The following PCSK5 variants were observed in gnomAD, a reference collection of about 807,000 sequenced individuals.
The protein encoded by PCSK5 is prohormone convertase 5.
A neutral mutation model predicts 233.2 loss-of-function variants in PCSK5; 129 were observed. The observed-to-expected ratio is 0.55, with a 90% CI of 0.48 to 0.64. The LOEUF (loss-of-function observed/expected upper bound fraction) is 0.64, where lower values mean the gene tolerates loss of function less well. PCSK5 is among the 30% of genes least tolerant of loss of function. The pLI, the probability that PCSK5 is intolerant of heterozygous loss-of-function variation, is 0.00. For missense variants in PCSK5, 2,076 were observed against 2,430.1 expected (o/e 0.85, Z 3.06); for synonymous variants, 825 against 879.2 (o/e 0.94, Z 1.09).
intron 10 of PCSK5, among the ~76,000 whole-genome samples, chr9:76,146,643 T>G (rs1395685430): frequency 6.6e-6 from 1 of 152,084 alleles, no homozygotes; most frequent in Non-Finnish European, 1.5e-5. Context: ...GTTATGTAGA[T>G]GATTTCCTCA....
intron 5 of PCSK5, among the ~76,000 whole-genome samples, chr9:76,061,955 A>G (rs1454996899): frequency 1.3e-5 from 2 of 152,240 alleles, no homozygotes; most frequent in Admixed American, 6.5e-5. Flanking sequence ...GAATGGGAAG[A>G]TAATTATGAG....
In PCSK5 at chr9:76,296,293, G is replaced by A. The variant is rs1828435613; in HGVS notation, c.3323-372G>A. Among the ~76,000 whole-genome samples the A allele has an allele frequency of 2.0e-5, 3 of 152,192 alleles. No individual in the cohort carries two copies. In the South Asian group the frequency reaches 6.2e-4, roughly 32 times the overall value. ...ATTTATTAAAACACATTTCTTGGTT[G>A]ACATAAGCTAAAGCCATCTTGGTTT... is the stretch of plus-strand genomic sequence containing the variant. On this transcript the variant is annotated intron_variant, in intron 26 of 37. Transcript: ENST00000674117.
At chr9:76,002,299 G>A (rs570167268) in intron 3 of PCSK5, among the ~76,000 whole-genome samples, 4 of 152,246 alleles carry the variant, frequency 2.6e-5, no homozygotes, top group African/African-American at 9.6e-5. Context: ...AATCTTGTTA[G>A]GATCTTTAGT....
intron 1 of PCSK5, among the ~76,000 whole-genome samples, chr9:75,908,732 T>C (rs1453341114): frequency 6.6e-6 from 1 of 152,180 alleles, no homozygotes; most frequent in Non-Finnish European, 1.5e-5. Flanking sequence ...AAACTTCCTA[T>C]GGCTAAAACC....
At chr9:76,079,441 T>C (rs1157566536) in intron 7 of PCSK5, among the ~76,000 whole-genome samples, 2 of 152,134 alleles carry the variant, frequency 1.3e-5, no homozygotes, top group African/African-American at 2.4e-5. Flanking sequence ...ACCGGCCAGA[T>C]TGCATTCTTT....
At position 76,080,929 on chromosome 9, in the gene PCSK5, A is replaced by G. The variant is rs148760919; in HGVS notation, c.894+9031A>G. On this transcript the variant is annotated intron_variant, in intron 7 of 37. Transcript: ENST00000674117. Reference sequence around the variant, plus strand: ...TACCATAAAATTTTTATTGTTCTAAATCTCATGTTGCTGAGTAACCCTTAC... The same window carrying G: ...TACCATAAAATTTTTATTGTTCTAAGTCTCATGTTGCTGAGTAACCCTTAC... 6.6e-5 allele frequency among the ~76,000 whole-genome samples: 10 copies of G among 152,324 alleles called. No homozygotes were observed. The East Asian group carries it at 1.9e-3, about 29-fold the overall frequency.
chr9:76,331,986 G>A (rs1018434129), intron 33 of PCSK5, among the ~76,000 whole-genome samples: 10 of 152,306 alleles, frequency 6.6e-5, no homozygotes, highest in East Asian at 1.9e-4. Flanking sequence ...AGACTAATAC[G>A]GCGGTGTTTT....
chr9:76,193,428 GAAAAA>G, intron 20 of PCSK5: 1 of 629,930 alleles, frequency 1.6e-6, no homozygotes, highest in Non-Finnish European at 2.2e-6. Flanking sequence ...AAGCCAAAAA[GAAAAA>G]AAAAAAAAGC....
intron 25 of PCSK5, among the ~76,000 whole-genome samples, chr9:76,293,447 G>T (rs890319151): frequency 6.6e-6 from 1 of 151,898 alleles, no homozygotes; most frequent in South Asian, 2.1e-4. Context: ...GTTTTTTTGG[G>T]TTTTTTTTGT....
rs538640078 is a variant in PCSK5, at chr9:76,038,873, A to C, written c.632+11836A>C. On this transcript the variant is annotated intron_variant, in intron 5 of 37. Transcript: ENST00000674117. ...TTTCCAATGCGGAGATGCCACAGCA[A>C]CTGGGGTTTAATTCTTCCATAGGTT... Among the ~76,000 whole-genome samples the C allele has an allele frequency of 7.2e-5, 11 of 152,318 alleles. 1 individual carries two copies. Among genetic ancestry groups the C allele is most frequent in the Middle Eastern group, 6.8e-3 (2 of 294 alleles).
intron 1 of PCSK5, among the ~76,000 whole-genome samples, chr9:75,921,839 T>C (rs893675194): frequency 6.6e-6 from 1 of 152,208 alleles, no homozygotes; most frequent in Non-Finnish European, 1.5e-5. Context: ...CGTAATGTCA[T>C]TTCCAGGTCA....
chr9:76,111,084 G>T (rs1007172485), intron 9 of PCSK5, among the ~76,000 whole-genome samples: 5 of 152,068 alleles, frequency 3.3e-5, no homozygotes, highest in African/African-American at 1.2e-4. Flanking sequence ...CCCAGACTGG[G>T]TGACAGAGCA....
chr9:76,156,100 TAAA>T (rs1349995829), intron 10 of PCSK5, among the ~76,000 whole-genome samples: 2 of 152,186 alleles, frequency 1.3e-5, no homozygotes, highest in African/African-American at 2.4e-5. Flanking sequence ...GTGATGATAA[TAAA>T]AAATGTTTTA....
chr9:76,040,899 A>G (rs191745447), intron 5 of PCSK5, among the ~76,000 whole-genome samples: 1 of 152,352 alleles, frequency 6.6e-6, no homozygotes, highest in Admixed American at 6.5e-5. Context: ...TACTAGTGAT[A>G]TACTTACAGT....
At chr9:76,072,936 TATC>T (rs1177573979) in intron 7 of PCSK5, among the ~76,000 whole-genome samples, 2 of 152,228 alleles carry the variant, frequency 1.3e-5, no homozygotes, top group Admixed American at 6.5e-5. Flanking sequence ...ATAGAGTTCT[TATC>T]ATATTGTGCT....
rs561786471 is a variant in PCSK5 at position 76,053,300 on chromosome 9, G to A, written c.633-14655G>A. Reference sequence around the variant, plus strand: ...AGAGGTTCTCCATGAGGGTTCCCCCGCTGCAGCAAACTTTAGCCTGGACAT... The same window carrying A: ...AGAGGTTCTCCATGAGGGTTCCCCCACTGCAGCAAACTTTAGCCTGGACAT... On this transcript the variant is annotated intron_variant, in intron 5 of 37. Transcript: ENST00000674117. Among the ~76,000 whole-genome samples, 8 of 152,312 alleles carry A rather than the reference G, an allele frequency of 5.3e-5. No homozygotes were observed. The East Asian group carries it at 5.8e-4, about 11-fold the overall frequency.
chr9:76,097,165 T>G (rs1831556269), intron 8 of PCSK5, among the ~76,000 whole-genome samples: 1 of 149,164 alleles, frequency 6.7e-6, no homozygotes, highest in Admixed American at 6.7e-5. Flanking sequence ...ACTCCTGAAC[T>G]CAAGTGATCT....
In PCSK5 at chr9:76,026,967, C is replaced by G. The variant is rs746580434; in HGVS notation, c.562C>G (p.Leu188Val). Residue 188 changes from leucine to valine, a missense_variant, in exon 5 of 38, where the codon CTG becomes GTG. Around this residue, in one of 6 missense-constraint regions of PCSK5, gnomAD observed 178 missense variants for 393.6 expected, o/e 0.45. Coordinates refer to ENST00000674117, the MANE Select transcript of PCSK5 (RefSeq NM_001372043.1). ...CTCTCCTCTGTGGCCATAGGATGCT[C>G]TGGCAAGTTGCGACGTGAATGGGAA... ...HPDLMQNYDA[L>V]ASCDVNGNDL... 1.2e-5 allele frequency: 19 copies of G among 1,607,582 alleles called. No homozygotes were observed. The highest frequency in any genetic ancestry group is 1.6e-5 in the Non-Finnish European group (19 of 1,176,134).
At chr9:76,247,201 A>G (rs1826638053) in intron 24 of PCSK5, among the ~76,000 whole-genome samples, 1 of 152,202 alleles carries the variant, frequency 6.6e-6, no homozygotes, top group African/African-American at 2.4e-5. Context: ...GAGGGATGGA[A>G]GTCAGCGGCA....
Sources: allele counts gnomAD v4.1 joint callset (sites outside exome capture counted in the v4.1 genomes callset), GRCh38; gene constraint gnomAD v4.1.1; regional missense constraint gnomAD v4.1.1; transcripts MANE v1.5; gene names NCBI Gene and HGNC (gene_info 2026-07-23, HGNC 2026-07-21).